SLC44A5: variants seen among roughly 807,000 people sequenced by gnomAD.
The protein encoded by SLC44A5 is choline transporter-like protein 5.
SLC44A5 carries 57 observed loss-of-function variants against 101.8 expected under a neutral mutation model. The observed-to-expected ratio is 0.56, with a 90% CI of 0.45 to 0.70. SLC44A5 has a LOEUF of 0.70. Among genes scored for constraint, SLC44A5 ranks in the 30% least tolerant of loss-of-function variants. The probability of loss-of-function intolerance (pLI) is 0.00; values close to 1 mark genes in which losing one functional copy is unlikely to be tolerated. For synonymous variants in SLC44A5, 281 were observed against 290.9 expected, an observed-to-expected ratio of 0.97 and a Z score of 0.35; for missense variants, 737 against 853.1, an observed-to-expected ratio of 0.86 and a Z score of 1.70.
intron 2 of SLC44A5, among the ~76,000 whole-genome samples, chr1:75,441,061 C>T (rs563554984): frequency 1.3e-5 from 2 of 151,884 alleles, no homozygotes; most frequent in African/African-American, 4.8e-5. Context: ...AGGTTAATTA[C>T]AGCACAAATG....
At chr1:75,650,911 G>A in the SLC44A5 span, among the ~76,000 whole-genome samples, 10 of 152,252 alleles carry the variant, frequency 6.6e-5, no homozygotes, top group East Asian at 1.9e-4. Flanking sequence ...TGCTTTTACC[G>A]AATTCAGGCC....
At chr1:75,272,495 GT>G (rs1333521192) in intron 6 of SLC44A5, among the ~76,000 whole-genome samples, 1 of 151,528 alleles carries the variant, frequency 6.6e-6, no homozygotes, top group Non-Finnish European at 1.5e-5. Flanking sequence ...TTTTTCCAAT[GT>G]TTTTTTCTAG....
chr1:75,573,258 C>T (rs544140131), intron 1 of SLC44A5, among the ~76,000 whole-genome samples: 4 of 147,026 alleles, frequency 2.7e-5, no homozygotes, highest in South Asian at 2.2e-4. Context: ...GCAGGAGAAT[C>T]GCTTGAACCC....
At chr1:75,330,104 TATACACACAC>T (rs201440728) in intron 4 of SLC44A5, among the ~76,000 whole-genome samples, 5,553 of 144,004 alleles carry the variant, frequency 0.039, 138 homozygotes, top group Middle Eastern at 0.079. Context: ...AATATATATA[TATACACACAC>T]ACACACACAC....
chr1:75,356,209 CAA>C (rs35660365), intron 3 of SLC44A5, among the ~76,000 whole-genome samples: 3,099 of 76,002 alleles, frequency 0.041, 32 homozygotes, highest in East Asian at 0.12. Context: ...AAGACTGCCT[CAA>C]AAAAAAAAAA....
chr1:75,605,941 T>G (rs1675299184), intron 1 of SLC44A5, among the ~76,000 whole-genome samples: 1 of 151,958 alleles, frequency 6.6e-6, no homozygotes, highest in Non-Finnish European at 1.5e-5. Context: ...CTAGGTAATC[T>G]TTTGTTGTGA....
chr1:75,426,985 C>G (rs1484664709), intron 2 of SLC44A5, among the ~76,000 whole-genome samples: 1 of 152,212 alleles, frequency 6.6e-6, no homozygotes, highest in Non-Finnish European at 1.5e-5. Context: ...AGGATCCCAG[C>G]ACCACTTGGT....
the SLC44A5 span, among the ~76,000 whole-genome samples, chr1:75,702,355 C>T: frequency 6.6e-6 from 1 of 152,130 alleles, no homozygotes. Context: ...AATAATGCCA[C>T]ATATCTACAA....
At chr1:75,661,552 A>C in the SLC44A5 span, among the ~76,000 whole-genome samples, 1 of 152,036 alleles carries the variant, frequency 6.6e-6, no homozygotes, top group Non-Finnish European at 1.5e-5. Flanking sequence ...AAAGGAAAAA[A>C]TCAGCACAGT....
At chr1:75,478,406 A>T (rs1393757347) in intron 2 of SLC44A5, among the ~76,000 whole-genome samples, 1 of 152,214 alleles carries the variant, frequency 6.6e-6, no homozygotes, top group Non-Finnish European at 1.5e-5. Flanking sequence ...TAACAATATT[A>T]ACTTTAAATG....
intron 2 of SLC44A5, among the ~76,000 whole-genome samples, chr1:75,457,121 G>C (rs1666227715): frequency 6.6e-6 from 1 of 152,150 alleles, no homozygotes; most frequent in African/African-American, 2.4e-5. Context: ...TAAGCATATA[G>C]CACATAGTGA....
intron 5 of SLC44A5, among the ~76,000 whole-genome samples, chr1:75,290,236 A>G (rs923896156): frequency 6.6e-6 from 1 of 152,220 alleles, no homozygotes; most frequent in Admixed American, 6.5e-5. Context: ...CCCCCTGATG[A>G]GCCAGTTATA....
At chr1:75,250,347 G>T (rs1649462306) in intron 7 of SLC44A5, among the ~76,000 whole-genome samples, 1 of 152,070 alleles carries the variant, frequency 6.6e-6, no homozygotes, top group Admixed American at 6.6e-5. Flanking sequence ...CTTTTTTATG[G>T]CTGCATAGTA....
Position 75,393,448 on chromosome 1 carries a change from A to G in SLC44A5, c.52+3135T>C, listed in dbSNP as rs565541679. ...TTAAAAACTCTTCTTTATCCTGTAT[A>G]CTTTAAAGTAATATATGTTTATGTT... On this transcript the variant is annotated intron_variant, in intron 3 of 23. Coordinates refer to ENST00000370859, the MANE Select transcript of SLC44A5 (RefSeq NM_001130058.2). Among the ~76,000 whole-genome samples, 3 of 152,300 alleles carry G rather than the reference A, an allele frequency of 2.0e-5. No individual in the cohort carries two copies. In the South Asian group the frequency reaches 6.2e-4, roughly 32 times the overall value.
At position 75,271,497 on chromosome 1, in the gene SLC44A5, T is replaced by TTTTTTTTTTTTGTGTG. The variant is rs1553152601; in HGVS notation, c.260+3460_260+3461insCACACAAAAAAAAAAA. Among the ~76,000 whole-genome samples the TTTTTTTTTTTTGTGTG allele has an allele frequency of 8.3e-4, 122 of 146,398 alleles. 3 individuals carry two copies. Among genetic ancestry groups the TTTTTTTTTTTTGTGTG allele is most frequent in the African/African-American group, 2.9e-3 (116 of 39,362 alleles). On this transcript the variant is annotated intron_variant, in intron 6 of 23. Transcript: ENST00000370859. Reference sequence around the variant, plus strand: ...AGTCCATTATATCACTCTGCATGTTTTGTGTGTGTGTGTGTGTGTGTGTGT... The same window carrying TTTTTTTTTTTTGTGTG: ...AGTCCATTATATCACTCTGCATGTTTTTTTTTTTTTTGTGTGTGTGTGTGTGTGTGTGTGTGTGTGT...
intron 6 of SLC44A5, among the ~76,000 whole-genome samples, chr1:75,267,743 TA>T (rs1359713112): frequency 1.3e-5 from 2 of 151,990 alleles, no homozygotes; most frequent in East Asian, 3.9e-4. Flanking sequence ...TTTTTATTTT[TA>T]TTTTTTTGTA....
the SLC44A5 span, among the ~76,000 whole-genome samples, chr1:75,633,295 A>G: frequency 6.6e-6 from 1 of 152,162 alleles, no homozygotes; most frequent in Non-Finnish European, 1.5e-5. Flanking sequence ...CATTGCATCT[A>G]TAAATTACCT....
intron 4 of SLC44A5, among the ~76,000 whole-genome samples, chr1:75,335,360 C>G (rs963055800): frequency 6.6e-6 from 1 of 152,164 alleles, no homozygotes; most frequent in Non-Finnish European, 1.5e-5. Context: ...AGAAATTTAA[C>G]TGCTGAGCCG....
chr1:75,692,999 T>C, the SLC44A5 span, among the ~76,000 whole-genome samples: 1 of 152,150 alleles, frequency 6.6e-6, no homozygotes, highest in Admixed American at 6.5e-5. Context: ...GGAATGATTA[T>C]AGTAATGAAA....
Sources: gnomAD v4.1 joint callset for allele counts (sites outside exome capture counted in the v4.1 genomes callset) on GRCh38, gnomAD v4.1.1 for gene constraint, MANE v1.5 for transcripts, NCBI Gene and HGNC (gene_info 2026-07-23, HGNC 2026-07-21) for gene names.